The following AVEN variants were observed in gnomAD, a reference collection of about 807,000 sequenced individuals.
The protein encoded by AVEN is apoptosis and caspase activation inhibitor, also known as cell death regulator Aven.
Under a neutral mutation model 38.1 loss-of-function variants are expected in AVEN, and 41 were observed. The ratio of observed to expected loss-of-function variants is 1.08; its 90% CI spans 0.84 to 1.40. AVEN has a LOEUF of 1.40. AVEN is among the 40% of genes most tolerant of loss of function. The pLI, the probability that AVEN is intolerant of heterozygous loss-of-function variation, is 0.00. For synonymous variants in AVEN, 206 were observed against 171.8 expected (o/e 1.20, Z -1.56); for missense variants, 605 against 438.8 (o/e 1.38, Z -3.38).
At chr15:33,957,974 C>T (rs1895019872) in intron 2 of AVEN, among the ~76,000 whole-genome samples, 1 of 152,156 alleles carries the variant, frequency 6.6e-6, no homozygotes, top group Admixed American at 6.5e-5. Flanking sequence ...CCCAGATCTA[C>T]TAAATCTGAA....
In AVEN at chr15:33,866,293, G is replaced by T; in HGVS notation, c.*320C>A. 3.4e-6 allele frequency: 1 copy of T among 293,336 alleles called. No homozygotes were observed. Among genetic ancestry groups the T allele is most frequent in the East Asian group, 6.6e-5 (1 of 15,260 alleles). The allele number at this position is 293,336 out of a possible 1,614,324, so 18.2% of individuals were successfully genotyped here. ...TTGTTTGCATCTATTCTCTTAATCA[G>T]CAGCAGCATCTGCTATGCTGTAAAC... On this transcript the variant is annotated 3_prime_UTR_variant, in exon 6 of 6. Coordinates refer to ENST00000306730, the MANE Select transcript of AVEN (RefSeq NM_020371.3).
chr15:34,069,154 G>A (rs1223186020), intron 2 of AVEN, among the ~76,000 whole-genome samples: 2 of 151,622 alleles, frequency 1.3e-5, no homozygotes. Flanking sequence ...GGGCGCGGTG[G>A]CTCATGCCTG....
chr15:33,864,198 T>C, downstream of AVEN: 1 of 1,604,624 alleles, frequency 6.2e-7, no homozygotes. Context: ...AGGTGAGAAA[T>C]TAAGAATCAT....
intron 2 of AVEN, among the ~76,000 whole-genome samples, chr15:33,963,473 G>GAGCTGCTA (rs1895275160): frequency 6.6e-6 from 1 of 152,176 alleles, no homozygotes; most frequent in Non-Finnish European, 1.5e-5. Context: ...TCAGATGCCA[G>GAGCTGCTA]AGCTGCTGAG....
rs1048672933 is a variant in AVEN at position 33,911,821 on chromosome 15, T to C, written c.446-35826A>G. ...GAAGTAGCAATTACAGGCTAGCAAC[T>C]AGCTAATGACTTATACCGTTCCTTT... On this transcript the variant is annotated intron_variant, in intron 2 of 5. Coordinates refer to ENST00000306730, the MANE Select transcript of AVEN (RefSeq NM_020371.3). Among the ~76,000 whole-genome samples, 5 of 152,338 alleles carry C rather than the reference T, an allele frequency of 3.3e-5. No homozygotes were observed. The East Asian group carries it at 5.8e-4, about 18-fold the overall frequency.
At chr15:34,007,062 T>C in intron 1 of AVEN, 1 of 984,606 alleles carries the variant, frequency 1.0e-6, no homozygotes, top group Non-Finnish European at 1.2e-6. Context: ...CATCGGTCAC[T>C]GGTTGCATTG....
chr15:33,972,217 T>C (rs1895668246), intron 2 of AVEN: 2 of 151,830 alleles, frequency 1.3e-5, no homozygotes, highest in Admixed American at 6.6e-5. Context: ...GTAAGGAAAA[T>C]ACCAGTAAGC....
intron 2 of AVEN, among the ~76,000 whole-genome samples, chr15:33,961,310 T>TA (rs1307340228): frequency 6.6e-6 from 1 of 152,040 alleles, no homozygotes; most frequent in Non-Finnish European, 1.5e-5. Context: ...TGCCCAGCCA[T>TA]AAAATATATT....
downstream of AVEN, chr15:33,854,406 T>C (rs1377552182): frequency 1.3e-6 from 2 of 1,575,102 alleles, no homozygotes; most frequent in Middle Eastern, 1.7e-4. Flanking sequence ...TCCATAGACA[T>C]GAAGTACCAT....
Position 33,866,685 on chromosome 15 carries a change from A to C in AVEN, c.1017T>G (p.Pro339=). 6.2e-7 allele frequency: 1 copy of C among 1,614,084 alleles called. No individual in the cohort carries two copies. The part of the protein sequence containing the change: ...PSVTEEKNME[P]EQPSTSKNVT... ...CATTTTTGGAGGTACTTGGTTGCTC[A>C]GGTTCCATGTTTTTTTCTTCAGTCA... The change falls in exon 6 of 6, where the codon CCT becomes CCG. Residue 339 remains proline (P), a synonymous_variant. Transcript: ENST00000306730.
intron 11 of AVEN, chr15:33,859,424 G>C (rs1254619061): frequency 1.7e-5 from 12 of 723,664 alleles, no homozygotes; most frequent in East Asian, 2.6e-5. Flanking sequence ...GTGGACAGCA[G>C]CTAGCAGCAT....
Position 33,867,862 on chromosome 15 carries a change from G to A in AVEN, c.613-7C>T, listed in dbSNP as rs552179779. ...CCTCTAAAGGAACTGTACCCTGAAA[G>A]AGAAGTATAAAAACTGAGTTAAAAA... On this transcript the variant is annotated splice_polypyrimidine_tract_variant and splice_region_variant and intron_variant, in intron 4 of 5. Transcript: ENST00000306730. 7.1e-5 allele frequency: 111 copies of A among 1,554,666 alleles called. 1 individual carries two copies. The East Asian group carries it at 2.4e-3, about 33-fold the overall frequency.
intron 5 of AVEN, among the ~76,000 whole-genome samples, chr15:34,059,828 C>T (rs1306899758): frequency 3.9e-5 from 6 of 152,156 alleles, no homozygotes; most frequent in Non-Finnish European, 8.8e-5. Flanking sequence ...TCACAGGTGC[C>T]CCTATGGCAT....
intron 2 of AVEN, among the ~76,000 whole-genome samples, chr15:33,966,649 AT>A (rs1347430911): frequency 2.4e-4 from 4 of 16,500 alleles, no homozygotes; most frequent in Non-Finnish European, 4.3e-4. Context: ...CATCCAGCCA[AT>A]TTGAAAGATG....
chr15:33,872,504 T>G (rs901539987), intron 3 of AVEN, among the ~76,000 whole-genome samples: 4 of 152,098 alleles, frequency 2.6e-5, no homozygotes, highest in Non-Finnish European at 5.9e-5. Flanking sequence ...CTTTTTAAGA[T>G]ACAGGTTCAC....
intron 2 of AVEN, among the ~76,000 whole-genome samples, chr15:33,922,937 G>A (rs1373526114): frequency 6.6e-6 from 1 of 152,138 alleles, no homozygotes; most frequent in South Asian, 2.1e-4. Flanking sequence ...GAATGAAAAT[G>A]TTGAATTTAC....
chr15:33,866,697 T>G lies in AVEN; in HGVS notation c.1005A>C (p.Lys335Asn), dbSNP rs1426731617. The change falls in exon 6 of 6, where the codon AAA becomes AAC. Residue 335 changes from lysine to asparagine, a missense_variant. Coordinates refer to ENST00000306730, the MANE Select transcript of AVEN (RefSeq NM_020371.3). Reference protein sequence around the residue: ...VCAKPSVTEEKNMEPEQPSTS... With the variant: ...VCAKPSVTEENNMEPEQPSTS... ...TACTTGGTTGCTCAGGTTCCATGTTTTTTTCTTCAGTCACAGATGGTTTTG... is the reference window on the plus strand; with the variant it reads ...TACTTGGTTGCTCAGGTTCCATGTTGTTTTCTTCAGTCACAGATGGTTTTG... The G allele has an allele frequency of 5.0e-6, 8 of 1,613,962 alleles. No homozygotes were observed. The highest frequency in any genetic ancestry group is 2.2e-5 in the South Asian group (2 of 91,076).
chr15:34,066,476 C>T (rs1900514060), intron 3 of AVEN: 1 of 152,228 alleles, frequency 6.6e-6, no homozygotes, highest in African/African-American at 2.4e-5. Flanking sequence ...TTGCTTAGGA[C>T]TTGGCCTTTT....
Position 33,941,554 on chromosome 15 carries a change from G to T in AVEN, c.445+61478C>A, listed in dbSNP as rs138621232. Among the ~76,000 whole-genome samples, 5 of 152,174 alleles carry T rather than the reference G, an allele frequency of 3.3e-5. No individual in the cohort carries two copies. In the East Asian group the frequency reaches 9.6e-4, roughly 29 times the overall value. On this transcript the variant is annotated intron_variant, in intron 2 of 5. Coordinates refer to ENST00000306730, the MANE Select transcript of AVEN (RefSeq NM_020371.3). ...ACTTATATCTTGTCTGGTTGTTCTAGTTTCAGTTTGGGAACCGCACAATTT... is the reference window on the plus strand; with the variant it reads ...ACTTATATCTTGTCTGGTTGTTCTATTTTCAGTTTGGGAACCGCACAATTT...
Sources: gnomAD v4.1 joint callset for allele counts (sites outside exome capture counted in the v4.1 genomes callset) on GRCh38, gnomAD v4.1.1 for gene constraint, MANE v1.5 for transcripts, NCBI Gene and HGNC (gene_info 2026-07-23, HGNC 2026-07-21) for gene names.